SCHIP1: variants seen among roughly 807,000 people sequenced by gnomAD.
SCHIP1 encodes schwannomin-interacting protein 1.
In SCHIP1, 8 loss-of-function variants were observed where a neutral mutation model predicts 29.7. That is an observed-to-expected ratio of 0.27 (90% CI 0.16 to 0.49). The LOEUF is 0.49. Among genes scored for constraint, SCHIP1 ranks in the 20% least tolerant of loss-of-function variants. The pLI is 0.99. For synonymous variants in SCHIP1, 76 were observed against 94.9 expected, an observed-to-expected ratio of 0.80 and a Z score of 1.16; for missense variants, 193 against 294.6, an observed-to-expected ratio of 0.66 and a Z score of 2.52.
chr3:159,493,819 A>G, the SCHIP1 span, among the ~76,000 whole-genome samples: 1 of 152,128 alleles, frequency 6.6e-6, no homozygotes, highest in Non-Finnish European at 1.5e-5. Context: ...GCACCACACC[A>G]CACCAATTCC....
the SCHIP1 span, among the ~76,000 whole-genome samples, chr3:159,279,126 A>T: frequency 6.6e-6 from 1 of 152,126 alleles, no homozygotes. Flanking sequence ...CTCACCTTGA[A>T]TTGTAGCTCC....
the SCHIP1 span, among the ~76,000 whole-genome samples, chr3:159,303,318 A>T: frequency 6.6e-6 from 1 of 152,052 alleles, no homozygotes; most frequent in African/African-American, 2.4e-5. Context: ...TCACACAAGC[A>T]GTGGACTGGA....
chr3:159,428,729 A>G, the SCHIP1 span, among the ~76,000 whole-genome samples: 1 of 151,830 alleles, frequency 6.6e-6, no homozygotes, highest in Non-Finnish European at 1.5e-5. Context: ...TCATGCTGCT[A>G]TAAAGACAGA....
At chr3:159,865,825 G>A (rs183036130) in intron 1 of SCHIP1, among the ~76,000 whole-genome samples, 5 of 152,326 alleles carry the variant, frequency 3.3e-5, no homozygotes, top group Admixed American at 3.3e-4. Flanking sequence ...TGATTCAGGA[G>A]AAAGTACTTG....
chr3:159,428,758 G>A, the SCHIP1 span, among the ~76,000 whole-genome samples: 1 of 151,880 alleles, frequency 6.6e-6, no homozygotes, highest in Non-Finnish European at 1.5e-5. Context: ...TATGTTTATT[G>A]CGGCACTATT....
chr3:159,717,344 A>T, the SCHIP1 span, among the ~76,000 whole-genome samples: 1 of 152,240 alleles, frequency 6.6e-6, no homozygotes, highest in Non-Finnish European at 1.5e-5. Flanking sequence ...GAGCAAACAC[A>T]TTCAAAAGCT....
At chr3:159,435,667 G>A in the SCHIP1 span, among the ~76,000 whole-genome samples, 1 of 152,144 alleles carries the variant, frequency 6.6e-6, no homozygotes, top group South Asian at 2.1e-4. Context: ...TGTAAATGTA[G>A]TTCTTCATTA....
the SCHIP1 span, among the ~76,000 whole-genome samples, chr3:159,298,893 A>G: frequency 6.6e-6 from 1 of 152,198 alleles, no homozygotes; most frequent in African/African-American, 2.4e-5. Context: ...GTGAAAGTTC[A>G]TTTTGGAGAG....
the SCHIP1 span, among the ~76,000 whole-genome samples, chr3:159,527,238 T>C: frequency 6.6e-6 from 1 of 152,212 alleles, no homozygotes; most frequent in African/African-American, 2.4e-5. Context: ...ATCCTTCTCC[T>C]TCAAAAGGAT....
chr3:159,414,689 A>C, the SCHIP1 span, among the ~76,000 whole-genome samples: 1 of 152,084 alleles, frequency 6.6e-6, no homozygotes, highest in African/African-American at 2.4e-5. Flanking sequence ...AGTGTTCCCC[A>C]ACCTTTCTGT....
At chr3:159,621,015 T>C in the SCHIP1 span, among the ~76,000 whole-genome samples, 2 of 152,228 alleles carry the variant, frequency 1.3e-5, no homozygotes, top group Non-Finnish European at 2.9e-5. Context: ...ACATGCCTTT[T>C]ATAAGTAAGC....
the SCHIP1 span, among the ~76,000 whole-genome samples, chr3:159,373,448 T>G: frequency 1.3e-5 from 2 of 152,024 alleles, no homozygotes; most frequent in African/African-American, 4.8e-5. Flanking sequence ...CACTTGAAAT[T>G]TACCCTCTTA....
the SCHIP1 span, among the ~76,000 whole-genome samples, chr3:159,293,154 A>G: frequency 6.6e-5 from 10 of 152,210 alleles, no homozygotes; most frequent in Non-Finnish European, 1.5e-4. Context: ...TGGCTGTTTT[A>G]ATATTTGCGT....
the SCHIP1 span, among the ~76,000 whole-genome samples, chr3:159,365,550 C>G: frequency 6.6e-6 from 1 of 151,974 alleles, no homozygotes; most frequent in African/African-American, 2.4e-5. Flanking sequence ...AGTGCTATAC[C>G]CTGGTGTCTA....
chr3:159,878,688 G>T (rs1339988081), intron 2 of SCHIP1, among the ~76,000 whole-genome samples: 1 of 148,108 alleles, frequency 6.8e-6, no homozygotes, highest in African/African-American at 2.5e-5. Context: ...TGAGGCAGGA[G>T]AATGGCATGA....
chr3:159,799,295 A>T, the SCHIP1 span, among the ~76,000 whole-genome samples: 2 of 152,220 alleles, frequency 1.3e-5, no homozygotes, highest in African/African-American at 4.8e-5. Flanking sequence ...CACAGTGAAA[A>T]GAAGCAGACT....
chr3:159,699,241 T>C, the SCHIP1 span, among the ~76,000 whole-genome samples: 1 of 152,234 alleles, frequency 6.6e-6, no homozygotes, highest in Non-Finnish European at 1.5e-5. Flanking sequence ...TTAATCTTCA[T>C]GACAACCTTA....
the SCHIP1 span, among the ~76,000 whole-genome samples, chr3:159,602,341 G>A: frequency 6.6e-6 from 1 of 152,062 alleles, no homozygotes; most frequent in African/African-American, 2.4e-5. Context: ...TCTTCTTTCT[G>A]GAGACAGCAG....
the SCHIP1 span, among the ~76,000 whole-genome samples, chr3:159,510,986 C>T: frequency 9.2e-5 from 14 of 152,350 alleles, no homozygotes; most frequent in Admixed American, 9.1e-4. Flanking sequence ...CCACTACTCT[C>T]TTCAAAGCTG....
Sources: allele counts gnomAD v4.1 joint callset (sites outside exome capture counted in the v4.1 genomes callset), GRCh38; gene constraint gnomAD v4.1.1; transcripts MANE v1.5; gene names NCBI Gene and HGNC (gene_info 2026-07-23, HGNC 2026-07-21).